Variants in CDC14B observed in about 807,000 individuals in gnomAD.
The protein encoded by CDC14B is cell division cycle 14B.
CDC14B carries 22 observed loss-of-function variants against 64.2 expected under a neutral mutation model. That is an observed-to-expected ratio of 0.34 (90% CI 0.24 to 0.49). The LOEUF is 0.49. CDC14B is among the 20% of genes least tolerant of loss of function. The pLI, the probability that CDC14B is intolerant of heterozygous loss-of-function variation, is 0.99. For synonymous variants in CDC14B, 191 were observed against 215.8 expected (o/e 0.89, Z 1.01); for missense variants, 498 against 629.9 (o/e 0.79, Z 2.24).
chr9:96,560,501 T>C (rs1843001229), intron 4 of CDC14B, among the ~76,000 whole-genome samples: 1 of 152,078 alleles, frequency 6.6e-6, no homozygotes, highest in African/African-American at 2.4e-5. Flanking sequence ...GGCCAAGTAA[T>C]AGGACCAAAT....
chr9:96,499,307 G>A (rs1185041370), downstream of CDC14B, among the ~76,000 whole-genome samples: 8 of 152,194 alleles, frequency 5.3e-5, no homozygotes, highest in South Asian at 2.1e-4. Context: ...GGTAGAACTC[G>A]ACAGAACACA....
chr9:96,556,159 C>T (rs1842477006), intron 4 of CDC14B, among the ~76,000 whole-genome samples: 1 of 152,142 alleles, frequency 6.6e-6, no homozygotes. Context: ...TTACACAAGT[C>T]ATTTCACCCT....
chr9:96,607,264 A>G (rs1847012194), intron 1 of CDC14B, among the ~76,000 whole-genome samples: 1 of 151,830 alleles, frequency 6.6e-6, no homozygotes, highest in South Asian at 2.1e-4. Flanking sequence ...AATCTGATCA[A>G]TGCTACCTGA....
intron 1 of CDC14B, among the ~76,000 whole-genome samples, chr9:96,569,210 A>T (rs1174271435): frequency 6.6e-6 from 1 of 152,212 alleles, no homozygotes; most frequent in Non-Finnish European, 1.5e-5. Context: ...GCAGGCTAAC[A>T]GTGTTTTTCC....
chr9:96,553,666 A>C (rs1842124156), intron 4 of CDC14B, among the ~76,000 whole-genome samples: 1 of 151,984 alleles, frequency 6.6e-6, no homozygotes, highest in Non-Finnish European at 1.5e-5. Context: ...CGGCCTACAC[A>C]CAGATCTTCT....
intron 1 of CDC14B, among the ~76,000 whole-genome samples, chr9:96,574,697 CAAAAAAAAA>C (rs57056796): frequency 1.8e-4 from 9 of 49,968 alleles, no homozygotes; most frequent in Admixed American, 6.8e-4. Context: ...CTCGGTCTCA[CAAAAAAAAA>C]AAAAAAAAAA....
At chr9:96,559,408 T>C (rs936279779) in intron 4 of CDC14B, among the ~76,000 whole-genome samples, 1 of 152,172 alleles carries the variant, frequency 6.6e-6, no homozygotes, top group Non-Finnish European at 1.5e-5. Flanking sequence ...CCTTACTCTC[T>C]CCAAAATTCC....
intron 1 of CDC14B, among the ~76,000 whole-genome samples, chr9:96,568,776 T>C (rs1002808963): frequency 1.3e-5 from 2 of 151,818 alleles, no homozygotes; most frequent in Admixed American, 6.6e-5. Context: ...AGTTAGCCAG[T>C]CGTGGTGGTG....
intron 1 of CDC14B, among the ~76,000 whole-genome samples, chr9:96,575,509 T>C (rs975735453): frequency 6.6e-6 from 1 of 152,216 alleles, no homozygotes; most frequent in Non-Finnish European, 1.5e-5. Context: ...TAAGTTTTCA[T>C]ACTTTCCAAA....
chr9:96,503,835 G>T, intron 13 of CDC14B, 46 bp from the exon 14 acceptor site: 2 of 1,483,750 alleles, frequency 1.3e-6, no homozygotes, highest in Non-Finnish European at 1.9e-6. Context: ...TTTACACAGC[G>T]TCCACAGGCA....
chr9:96,512,211 T>TAAA (rs61561306), intron 12 of CDC14B, among the ~76,000 whole-genome samples: 1 of 135,650 alleles, frequency 7.4e-6, no homozygotes, highest in African/African-American at 2.7e-5. Context: ...AGACTTTGTA[T>TAAA]AAAAAAAAAA....
chr9:96,564,866 A>G lies in CDC14B; in HGVS notation c.252-14T>C. The G allele has an allele frequency of 6.4e-7, 1 of 1,560,828 alleles. No homozygotes were observed. Among genetic ancestry groups the G allele is most frequent in the Non-Finnish European group, 8.7e-7 (1 of 1,143,458 alleles). ...TCTGCGTAGAAGCTTTAAAAATGAA[A>G]AATAAAAATGTGATGTACATTCTAG... On this transcript the variant is annotated splice_polypyrimidine_tract_variant and intron_variant, in intron 2 of 13. Transcript: ENST00000375241.
chr9:96,571,053 C>A (rs1389089821), intron 1 of CDC14B, among the ~76,000 whole-genome samples: 4 of 151,824 alleles, frequency 2.6e-5, no homozygotes, highest in South Asian at 2.1e-4. Flanking sequence ...AGGCCTTATC[C>A]AATATACGGC....
chr9:96,556,709 T>C (rs1417617045), intron 4 of CDC14B, among the ~76,000 whole-genome samples: 2 of 152,066 alleles, frequency 1.3e-5, no homozygotes, highest in African/African-American at 4.8e-5. Context: ...CCCTGGGAAT[T>C]AGTACACATT....
At chr9:96,551,094 CT>C (rs1391620862) in intron 5 of CDC14B, among the ~76,000 whole-genome samples, 2 of 113,566 alleles carry the variant, frequency 1.8e-5, no homozygotes, top group Non-Finnish European at 3.6e-5. Flanking sequence ...GATACAAAGC[CT>C]AGGTTTTGGG....
Position 96,503,568 on chromosome 9 carries a change from T to C in CDC14B, c.*185A>G, listed in dbSNP as rs1564187052. Reference sequence around the variant, plus strand: ...AGAGCTGGACCCTTCTCTGAGTCATTTGCTTGCACCCAAACTCAAAGTTCA... The same window carrying C: ...AGAGCTGGACCCTTCTCTGAGTCATCTGCTTGCACCCAAACTCAAAGTTCA... On this transcript the variant is annotated 3_prime_UTR_variant, in exon 14 of 14. Transcript: ENST00000375241. 3 of 602,642 alleles carry C rather than the reference T, an allele frequency of 5.0e-6. No homozygotes were observed. The highest frequency in any genetic ancestry group is 5.6e-5 in the East Asian group (2 of 35,478). The allele number at this position is 602,642 out of a possible 1,614,324, so 37.3% of individuals were successfully genotyped here. A position where few individuals can be genotyped will look rare whatever the true frequency, so the allele number is the denominator to read the frequency against.
chr9:96,587,034 G>A (rs189529006), intron 1 of CDC14B, among the ~76,000 whole-genome samples: 55 of 152,156 alleles, frequency 3.6e-4, no homozygotes, highest in Middle Eastern at 3.4e-3. Context: ...TTAACCGGGC[G>A]TGTTGGCGTG....
chr9:96,496,460 T>C (rs576589899), downstream of CDC14B: 17 of 423,822 alleles, frequency 4.0e-5, no homozygotes, highest in African/African-American at 2.4e-4. Context: ...AAGGACTAGC[T>C]TCCTGGGCCG....
chr9:96,498,841 C>T (rs1833358749), downstream of CDC14B, among the ~76,000 whole-genome samples: 1 of 152,214 alleles, frequency 6.6e-6, no homozygotes, highest in South Asian at 2.1e-4. Context: ...ATGAGCAAAT[C>T]CCGCACAAGG....
Sources: allele counts gnomAD v4.1 joint callset (sites outside exome capture counted in the v4.1 genomes callset), GRCh38; gene constraint gnomAD v4.1.1; transcripts MANE v1.5; gene names NCBI Gene and HGNC (gene_info 2026-07-23, HGNC 2026-07-21).